The following DYNC1I1 variants were observed in gnomAD, a reference collection of about 807,000 sequenced individuals.
DYNC1I1 encodes dynein cytoplasmic 1 intermediate chain 1.
In DYNC1I1, 43 loss-of-function variants were observed where a neutral mutation model predicts 86.6. The observed-to-expected ratio is 0.50, with a 90% CI of 0.39 to 0.64. The LOEUF is 0.64. Among genes scored for constraint, DYNC1I1 ranks in the 30% least tolerant of loss-of-function variants. The probability of loss-of-function intolerance (pLI) is 0.00; values close to 1 mark genes in which losing one functional copy is unlikely to be tolerated. For synonymous variants in DYNC1I1, 262 were observed against 283.7 expected (o/e 0.92, Z 0.77); for missense variants, 604 against 788.8 (o/e 0.77, Z 2.81).
At chr7:95,988,343 A>G (rs1411069574) in intron 9 of DYNC1I1, among the ~76,000 whole-genome samples, 1 of 152,198 alleles carries the variant, frequency 6.6e-6, no homozygotes, top group Non-Finnish European at 1.5e-5. Flanking sequence ...TGGGTGATGC[A>G]GTGAGACTCC....
intron 4 of DYNC1I1, among the ~76,000 whole-genome samples, chr7:95,817,409 A>T (rs909848388): frequency 5.9e-5 from 9 of 152,278 alleles, no homozygotes; most frequent in Admixed American, 5.9e-4. Flanking sequence ...CATAATCTCT[A>T]ACAGTAGTTG....
chr7:95,998,543 T>C (rs1260101562), intron 10 of DYNC1I1, among the ~76,000 whole-genome samples: 1 of 151,802 alleles, frequency 6.6e-6, no homozygotes, highest in African/African-American at 2.4e-5. Context: ...TCTTATTTAT[T>C]ACAACTGGTC....
chr7:95,997,975 G>A (rs764526751), intron 10 of DYNC1I1, among the ~76,000 whole-genome samples: 2 of 152,158 alleles, frequency 1.3e-5, no homozygotes, highest in African/African-American at 4.8e-5. Flanking sequence ...AGCAGCCAGG[G>A]AAGTCCTAGA....
At chr7:95,920,079 G>A (rs1296186901) in intron 6 of DYNC1I1, among the ~76,000 whole-genome samples, 1 of 152,116 alleles carries the variant, frequency 6.6e-6, no homozygotes, top group Non-Finnish European at 1.5e-5. Context: ...CCTTTCCAAG[G>A]AGCACAATAT....
In DYNC1I1 at chr7:96,098,120, A is replaced by G. The variant is rs1468298763; in HGVS notation, c.*527A>G. 1.2e-5 allele frequency: 12 copies of G among 986,192 alleles called. No individual in the cohort carries two copies. The Admixed American group carries it at 7.3e-4, about 60-fold the overall frequency. The allele number at this position is 986,192 out of a possible 1,614,324, so 61.1% of individuals were successfully genotyped here. A position where few individuals can be genotyped will look rare whatever the true frequency, so the allele number is the denominator to read the frequency against. On this transcript the variant is annotated 3_prime_UTR_variant, in exon 17 of 17. Coordinates refer to ENST00000447467, the MANE Select transcript of DYNC1I1 (RefSeq NM_001135556.2). ...GCTGCATGGAACGTATTTATTTGAAAGCATTAAAATAAATGATCCTAGAGC... is the reference window on the plus strand; with the variant it reads ...GCTGCATGGAACGTATTTATTTGAAGGCATTAAAATAAATGATCCTAGAGC...
intron 14 of DYNC1I1, among the ~76,000 whole-genome samples, chr7:96,046,422 T>C (rs1247629662): frequency 6.6e-6 from 1 of 152,220 alleles, no homozygotes; most frequent in Non-Finnish European, 1.5e-5. Context: ...ATATTTGAAA[T>C]ACATTAGTTC....
intron 4 of DYNC1I1, among the ~76,000 whole-genome samples, chr7:95,823,799 A>G (rs754200925): frequency 1.3e-5 from 2 of 151,394 alleles, no homozygotes; most frequent in Non-Finnish European, 2.9e-5. Context: ...CTAAAATATA[A>G]CAGTCTTATA....
At chr7:96,071,911 C>T (rs1156416182) in intron 14 of DYNC1I1, among the ~76,000 whole-genome samples, 1 of 152,112 alleles carries the variant, frequency 6.6e-6, no homozygotes, top group Non-Finnish European at 1.5e-5. Flanking sequence ...AAGGTCATTG[C>T]TATGTTTTAT....
intron 14 of DYNC1I1, 106 bp downstream of exon 14, chr7:96,039,527 A>T: frequency 4.9e-6 from 7 of 1,434,214 alleles, no homozygotes; most frequent in Non-Finnish European, 6.7e-6. Flanking sequence ...GCAACCTGGC[A>T]TTGGGAATTC....
chr7:95,984,046 G>T (rs963211326), intron 7 of DYNC1I1, among the ~76,000 whole-genome samples: 2 of 152,096 alleles, frequency 1.3e-5, no homozygotes, highest in Non-Finnish European at 2.9e-5. Context: ...GTAACCAAAT[G>T]GTGACTCTAA....
At chr7:96,048,721 G>A (rs1055203747) in intron 14 of DYNC1I1, among the ~76,000 whole-genome samples, 4 of 152,088 alleles carry the variant, frequency 2.6e-5, no homozygotes, top group African/African-American at 9.7e-5. Flanking sequence ...TCTAGTTTAG[G>A]GTTCAGACAG....
chr7:95,776,393 C>A (rs1037794904), intron 1 of DYNC1I1, among the ~76,000 whole-genome samples: 2 of 152,092 alleles, frequency 1.3e-5, no homozygotes, highest in African/African-American at 4.8e-5. Context: ...GTTGGAGGAA[C>A]CTTCTTAAAC....
intron 16 of DYNC1I1, 147 bp downstream of exon 16, chr7:96,080,635 G>A (rs898835329): frequency 4.5e-5 from 60 of 1,322,814 alleles, no homozygotes; most frequent in African/African-American, 2.9e-5. Flanking sequence ...CTAGTTTGGC[G>A]AGACTTCCTT....
chr7:95,882,266 C>T lies in DYNC1I1; in HGVS notation c.490+12268C>T, dbSNP rs576103985. On this transcript the variant is annotated intron_variant, in intron 6 of 16. Transcript: ENST00000447467. ...TCAATAATAGGTATTGTTTTGCTGC[C>T]GAAGACTGAGAAAAGTTTTATGGAT... is the stretch of plus-strand genomic sequence containing the variant. 4.7e-4 allele frequency among the ~76,000 whole-genome samples: 72 copies of T among 152,154 alleles called. 1 individual carries two copies. The highest frequency in any genetic ancestry group is 2.1e-4 in the South Asian group (1 of 4,824).
At chr7:96,069,619 G>A (rs1790102984) in intron 14 of DYNC1I1, among the ~76,000 whole-genome samples, 1 of 152,184 alleles carries the variant, frequency 6.6e-6, no homozygotes, top group Non-Finnish European at 1.5e-5. Context: ...TGAAAATCAT[G>A]CCAGTGTGGG....
chr7:95,938,978 G>A (rs951584528), intron 6 of DYNC1I1, among the ~76,000 whole-genome samples: 2 of 152,164 alleles, frequency 1.3e-5, no homozygotes, highest in Admixed American at 6.5e-5. Context: ...ATGTGTCCCA[G>A]AGATTCTGGT....
chr7:95,843,107 TTTTCCA>T (rs1789333228), intron 5 of DYNC1I1, among the ~76,000 whole-genome samples: 1 of 152,126 alleles, frequency 6.6e-6, no homozygotes, highest in Admixed American at 6.5e-5. Flanking sequence ...AATCTTAAGG[TTTTCCA>T]GTTTGACTGG....
chr7:96,085,366 T>A (rs1030480056), intron 16 of DYNC1I1, among the ~76,000 whole-genome samples: 2 of 148,702 alleles, frequency 1.3e-5, no homozygotes, highest in African/African-American at 4.9e-5. Context: ...TCCATCTCCC[T>A]TTTTTTTTTC....
chr7:96,012,493 A>T (rs1385704294), intron 10 of DYNC1I1, among the ~76,000 whole-genome samples: 1 of 152,176 alleles, frequency 6.6e-6, no homozygotes, highest in Non-Finnish European at 1.5e-5. Flanking sequence ...ATTCAAATTA[A>T]CCTTTTTAGG....
Sources: gnomAD v4.1 joint callset for allele counts (sites outside exome capture counted in the v4.1 genomes callset) on GRCh38, gnomAD v4.1.1 for gene constraint, MANE v1.5 for transcripts, NCBI Gene and HGNC (gene_info 2026-07-23, HGNC 2026-07-21) for gene names.